Variants in KATNAL2 observed in about 807,000 individuals in gnomAD.
KATNAL2 encodes the protein katanin catalytic subunit A1 like 2.
A neutral mutation model predicts 76.3 loss-of-function variants in KATNAL2; 52 were observed. The observed-to-expected ratio is 0.68, with a 90% CI of 0.55 to 0.86. The LOEUF (loss-of-function observed/expected upper bound fraction) is 0.86. Ranked by LOEUF, KATNAL2 falls within the 40% of genes least tolerant of loss-of-function variation. The pLI, the probability that KATNAL2 is intolerant of heterozygous loss-of-function variation, is 0.00. For missense variants in KATNAL2, 660 were observed against 668.9 expected, an observed-to-expected ratio of 0.99 and a Z score of 0.15; for synonymous variants, 243 against 244.2, an observed-to-expected ratio of 1.00 and a Z score of 0.05.
chr18:46,953,549 A>G (rs970928299), intron 3 of KATNAL2, among the ~76,000 whole-genome samples: 2 of 152,208 alleles, frequency 1.3e-5, no homozygotes, highest in African/African-American at 4.8e-5. Flanking sequence ...TAAGTCCAGG[A>G]GTTTGAGACC....
At chr18:46,946,602 A>T in intron 2 of KATNAL2, 56 bp downstream of exon 2, 1 of 974,266 alleles carries the variant, frequency 1.0e-6, no homozygotes. Flanking sequence ...AACCAAAACA[A>T]TTGCAAAGCC....
In KATNAL2 at chr18:46,965,584, C is replaced by G. The variant is rs1599506860; in HGVS notation, c.51+18661C>G. Among the ~76,000 whole-genome samples the G allele has an allele frequency of 2.2e-4, 19 of 86,334 alleles. No individual in the cohort carries two copies. In the East Asian group the frequency reaches 4.7e-3, roughly 21 times the overall value. 56.6% of individuals were successfully genotyped at this position (86,334 alleles called of 152,430 possible). On this transcript the variant is annotated intron_variant, in intron 3 of 17. Transcript: ENST00000683218. ...GCAGAATCCCTCTAGCATCCCCGCC[C>G]CCCCCCCCCCGCCCCCAACGGTGGC...
chr18:47,032,820 G>T (rs1433644119), intron 3 of KATNAL2: 2 of 1,079,096 alleles, frequency 1.9e-6, no homozygotes, highest in Non-Finnish European at 2.7e-6. Flanking sequence ...AAGCTGGGAG[G>T]TAGTGGCTGG....
At chr18:47,093,578 C>T (rs1393963225) in intron 15 of KATNAL2, among the ~76,000 whole-genome samples, 3 of 151,956 alleles carry the variant, frequency 2.0e-5, no homozygotes, top group Non-Finnish European at 2.9e-5. Flanking sequence ...GTCACCCAGG[C>T]TGGAGTGCAG....
At chr18:47,084,136 C>T (rs1020661073) in intron 15 of KATNAL2, among the ~76,000 whole-genome samples, 30 of 152,194 alleles carry the variant, frequency 2.0e-4, no homozygotes, top group Non-Finnish European at 8.8e-5. Flanking sequence ...CTTGTGTCAT[C>T]GCCTGGTGAC....
intron 8 of KATNAL2, 93 bp downstream of exon 8, chr18:47,059,747 A>C (rs1189802782): frequency 1.1e-6 from 1 of 936,926 alleles, no homozygotes; most frequent in African/African-American, 1.6e-5. Context: ...TCAAACAGGA[A>C]AGTTAAGATG....
intron 1 of KATNAL2, among the ~76,000 whole-genome samples, chr18:46,924,548 T>G (rs1472095876): frequency 6.6e-6 from 1 of 152,212 alleles, no homozygotes; most frequent in Non-Finnish European, 1.5e-5. Context: ...AGGATTGATT[T>G]GACAATGCAG....
At position 47,100,949 on chromosome 18, in the gene KATNAL2, G is replaced by A. The variant is rs374246841; in HGVS notation, c.1561G>A (p.Ala521Thr). 24 of 1,613,890 alleles carry A rather than the reference G, an allele frequency of 1.5e-5. No individual in the cohort carries two copies. The highest frequency in any genetic ancestry group is 2.7e-5 in the African/African-American group (2 of 74,886). ...TGTGCTAACTCACACCAAGCCCTCCGCAAAGAATCTGGCTCAGAGATACTC... is the reference window on the plus strand; with the variant it reads ...TGTGCTAACTCACACCAAGCCCTCCACAAAGAATCTGGCTCAGAGATACTC... The part of the protein sequence containing the change: ...LDVLTHTKPS[A>T]KNLAQRYSDW... The change falls in exon 18 of 18, where the codon GCA (alanine) becomes ACA (threonine). Residue 521 changes from alanine to threonine, a missense_variant. Transcript: ENST00000683218.
rs1231918686 is a variant in KATNAL2, at chr18:46,946,353, C to G, written c.-213C>G. 2 of 1,026,330 alleles carry G rather than the reference C, an allele frequency of 1.9e-6. No individual in the cohort carries two copies. Among genetic ancestry groups the G allele is most frequent in the Non-Finnish European group, 2.3e-6 (2 of 852,952 alleles). 63.6% of individuals were successfully genotyped at this position (1,026,330 alleles called of 1,614,324 possible). A position where few individuals can be genotyped will look rare whatever the true frequency, so the allele number is the denominator to read the frequency against. On this transcript the variant is annotated 5_prime_UTR_variant, in exon 2 of 18. Coordinates refer to ENST00000683218, the MANE Select transcript of KATNAL2 (RefSeq NM_001387690.1). ...TGCATCCCAGAAGGCTCTTGACAAC[C>G]AAAGTGTCCACAGCAGATTCGTCCA...
chr18:47,097,110 C>A (rs375220330), intron 15 of KATNAL2, among the ~76,000 whole-genome samples: 43 of 134,776 alleles, frequency 3.2e-4, no homozygotes, highest in Middle Eastern at 3.4e-3. Flanking sequence ...CAGAGGAAGA[C>A]CCTGGCTCAA....
intron 13 of KATNAL2, among the ~76,000 whole-genome samples, chr18:47,070,313 A>G (rs1013422042): frequency 4.0e-5 from 6 of 151,810 alleles, no homozygotes; most frequent in Admixed American, 3.9e-4. Context: ...GTTGGCCAGG[A>G]TGGTCTCGAA....
At chr18:47,092,838 G>C (rs1458988020) in intron 15 of KATNAL2, among the ~76,000 whole-genome samples, 1 of 152,198 alleles carries the variant, frequency 6.6e-6, no homozygotes, top group Non-Finnish European at 1.5e-5. Context: ...CCTTTGGAGA[G>C]AATCCTCCAA....
intron 3 of KATNAL2, chr18:47,034,232 C>G: frequency 6.2e-7 from 1 of 1,613,974 alleles, no homozygotes; most frequent in Non-Finnish European, 8.5e-7. Flanking sequence ...TCTTGAGTCT[C>G]TCGGTCGTTG....
intron 3 of KATNAL2, chr18:47,034,140 T>A (rs774428462): frequency 1.2e-6 from 2 of 1,614,088 alleles, no homozygotes; most frequent in African/African-American, 2.7e-5. Context: ...GCTGCTCGAA[T>A]TCCTCAGCCA....
chr18:47,073,575 T>C (rs901534242), intron 13 of KATNAL2, among the ~76,000 whole-genome samples: 1 of 152,216 alleles, frequency 6.6e-6, no homozygotes, highest in South Asian at 2.1e-4. Flanking sequence ...GCAGAGAAGC[T>C]TTTTCTACCA....
At chr18:46,959,228 A>G (rs1311327009) in intron 3 of KATNAL2, among the ~76,000 whole-genome samples, 6 of 152,264 alleles carry the variant, frequency 3.9e-5, no homozygotes, top group Non-Finnish European at 8.8e-5. Flanking sequence ...CTAAATAACC[A>G]TAAAGCTAAG....
At chr18:47,055,183 C>T (rs1213844272) in intron 6 of KATNAL2, among the ~76,000 whole-genome samples, 1 of 152,168 alleles carries the variant, frequency 6.6e-6, no homozygotes, top group African/African-American at 2.4e-5. Flanking sequence ...TCAGAAATAC[C>T]CAGGGGAACA....
chr18:46,946,966 T>A, intron 3 of KATNAL2, 43 bp downstream of exon 3: 1 of 1,249,512 alleles, frequency 8.0e-7, no homozygotes, highest in Non-Finnish European at 1.1e-6. Flanking sequence ...CAAGAACCCC[T>A]CTCCTACTGT....
intron 3 of KATNAL2, chr18:47,035,555 G>A (rs955112167): frequency 4.8e-6 from 3 of 622,818 alleles, no homozygotes; most frequent in South Asian, 2.0e-5. Context: ...TGAAGCTCTG[G>A]TGCCAGAGCT....
Sources: allele counts gnomAD v4.1 joint callset (sites outside exome capture counted in the v4.1 genomes callset), GRCh38; gene constraint gnomAD v4.1.1; transcripts MANE v1.5; gene names NCBI Gene and HGNC (gene_info 2026-07-23, HGNC 2026-07-21).